ABLIM2: variants seen among roughly 807,000 people sequenced by gnomAD.
The protein encoded by ABLIM2 is actin binding LIM protein family member 2.
In ABLIM2, 53 loss-of-function variants were observed where a neutral mutation model predicts 97.7. That is an observed-to-expected ratio of 0.54 (90% CI 0.44 to 0.68). The LOEUF is 0.68. ABLIM2 is among the 30% of genes least tolerant of loss of function. ABLIM2 has a pLI of 0.00. For missense variants in ABLIM2, 835 were observed against 867.2 expected, an observed-to-expected ratio of 0.96 and a Z score of 0.47; for synonymous variants, 361 against 345.8, an observed-to-expected ratio of 1.04 and a Z score of -0.49.
Position 8,020,204 on chromosome 4 carries a change from G to A in ABLIM2, c.1367C>T (p.Pro456Leu), listed in dbSNP as rs1267665309. 2 of 1,612,910 alleles carry A rather than the reference G, an allele frequency of 1.2e-6. No individual in the cohort carries two copies. The highest frequency in any genetic ancestry group is 1.7e-6 in the Non-Finnish European group (2 of 1,179,424). ...YQQAPRHFHV[P>L]DTGVKDNIYR... ...AGCCAGCGTGTCCCGGAGCCTACCT[G>A]GGACGTGGAAGTGGCGAGGTGCCTG... The change falls in exon 13 of 21, where the codon CCA (proline) becomes CTA (leucine). Residue 456 changes from proline to leucine, a missense_variant and splice_region_variant. Physicochemically the swap from Pro to Leu is moderately conservative, Grantham distance 98. Coordinates refer to ENST00000447017, the MANE Select transcript of ABLIM2 (RefSeq NM_001130083.2).
chr4:8,036,043 T>C, intron 10 of ABLIM2, 106 bp downstream of exon 10: 1 of 1,363,814 alleles, frequency 7.3e-7, no homozygotes, highest in Non-Finnish European at 9.9e-7. Context: ...GTGGTGAAGA[T>C]GGAAGTGGCT....
intron 7 of ABLIM2, among the ~76,000 whole-genome samples, chr4:8,057,098 C>CTTTTTT (rs11333108): frequency 7.7e-6 from 1 of 130,142 alleles, no homozygotes; most frequent in Admixed American, 7.9e-5. Context: ...TTCTTTCTTT[C>CTTTTTT]TTTTTTTTTT....
chr4:8,069,850 G>A lies in ABLIM2; in HGVS notation c.675+7778C>T, dbSNP rs1261911356. Among the ~76,000 whole-genome samples the A allele has an allele frequency of 2.6e-5, 4 of 151,964 alleles. No individual in the cohort carries two copies. Among genetic ancestry groups the A allele is most frequent in the Middle Eastern group, 3.2e-3 (1 of 316 alleles). On this transcript the variant is annotated intron_variant, in intron 6 of 20. Transcript: ENST00000447017. This position sits in a 1 kb window ranked among gnomAD's most constrained non-coding sequence, Gnocchi z 4.2. ...GTACGTGTCTGTGGGTGCCGTGTGTGTTTTCTGTGTGTCTGCGTTGTCGAT... is the reference window on the plus strand; with the variant it reads ...GTACGTGTCTGTGGGTGCCGTGTGTATTTTCTGTGTGTCTGCGTTGTCGAT...
Position 8,106,503 on chromosome 4 carries a change from C to T in ABLIM2, c.145G>A (p.Val49Ile), listed in dbSNP as rs765539980. The T allele has an allele frequency of 4.1e-5, 65 of 1,596,370 alleles. No individual in the cohort carries two copies. Among genetic ancestry groups the T allele is most frequent in the Middle Eastern group, 1.6e-4 (1 of 6,070 alleles). ...QDKYFHIKCF[V>I]CKACGCDLAE... ...ACCGGGGGACACTCACCTTTACAGA[C>T]GAAGCACTTGATGTGGAAGTACTTG... The change falls in exon 2 of 21, where the codon GTC becomes ATC. Residue 49 changes from valine to isoleucine, a missense_variant. Transcript: ENST00000447017.
intron 1 of ABLIM2, among the ~76,000 whole-genome samples, chr4:8,108,498 G>A (rs11729779): frequency 0.49 from 75,007 of 152,110 alleles, 18,837 homozygotes; most frequent in East Asian, 0.67. Flanking sequence ...GCAGACTCGC[G>A]GGGAGGCGAC....
intron 1 of ABLIM2, among the ~76,000 whole-genome samples, chr4:8,126,923 C>G (rs1036407647): frequency 6.6e-6 from 1 of 151,944 alleles, no homozygotes; most frequent in African/African-American, 2.4e-5. Context: ...AAAAATTAGC[C>G]AGGTCTGGTG....
chr4:7,992,903 G>A lies in ABLIM2; in HGVS notation c.1643C>T (p.Pro548Leu), dbSNP rs763457214. The part of the protein sequence containing the change: ...HSRFPYSKSD[P>L]LPGHGKNGLD... ...GCCATTCTTTCCATGTCCTGGGAGA[G>A]GGTCAGATTTGGAATAGGGGAATCC... The change falls in exon 17 of 21, where the codon CCT becomes CTT. Residue 548 changes from proline to leucine, a missense_variant. Transcript: ENST00000447017. The surrounding 1 kb of genome is among the most constrained non-coding windows in gnomAD (Gnocchi z 5.7). 6.2e-6 allele frequency: 10 copies of A among 1,613,206 alleles called. No homozygotes were observed. Among genetic ancestry groups the A allele is most frequent in the Non-Finnish European group, 8.5e-6 (10 of 1,179,764 alleles).
chr4:8,137,622 C>A (rs764468980), intron 1 of ABLIM2, among the ~76,000 whole-genome samples: 2 of 152,246 alleles, frequency 1.3e-5, no homozygotes. Context: ...CGAGAGGCAG[C>A]CACGTCGCAG....
intron 6 of ABLIM2, among the ~76,000 whole-genome samples, chr4:8,070,725 C>T (rs1439918556): frequency 6.6e-6 from 1 of 152,076 alleles, no homozygotes; most frequent in South Asian, 2.1e-4. Flanking sequence ...CAGGGTGGAA[C>T]ACACAGTGAG....
intron 4 of ABLIM2, among the ~76,000 whole-genome samples, chr4:8,081,241 C>T (rs1819643668): frequency 6.6e-6 from 1 of 152,200 alleles, no homozygotes. Context: ...CCCGCCACAC[C>T]CAGCCAGCCA....
chr4:8,125,448 G>A lies in ABLIM2; in HGVS notation c.11-18811C>T, dbSNP rs934619323. On this transcript the variant is annotated intron_variant, in intron 1 of 20. Transcript: ENST00000447017. This position sits in a 1 kb window ranked among gnomAD's most constrained non-coding sequence, Gnocchi z 6.2. Reference sequence around the variant, plus strand: ...TACCCTTGCTTCGCATGTGAATCGCGATCTGCAGTGCTGATGGCCGCAGGT... The same window carrying A: ...TACCCTTGCTTCGCATGTGAATCGCAATCTGCAGTGCTGATGGCCGCAGGT... Among the ~76,000 whole-genome samples the A allele has an allele frequency of 1.3e-5, 2 of 152,244 alleles. No individual in the cohort carries two copies. The highest frequency in any genetic ancestry group is 4.1e-4 in the South Asian group (2 of 4,832).
intron 6 of ABLIM2, among the ~76,000 whole-genome samples, chr4:8,066,336 G>A (rs535285361): frequency 1.0e-4 from 11 of 110,316 alleles, no homozygotes; most frequent in Admixed American, 2.4e-4. Context: ...AAAGAAAGGA[G>A]GGAGGGAGAG....
At position 8,148,466 on chromosome 4, in the gene ABLIM2, C is replaced by T. The variant is rs755237896; in HGVS notation, c.10+10214G>A. Among the ~76,000 whole-genome samples, 2 of 152,136 alleles carry T rather than the reference C, an allele frequency of 1.3e-5. No homozygotes were observed. Among genetic ancestry groups the T allele is most frequent in the Non-Finnish European group, 2.9e-5 (2 of 68,012 alleles). Reference sequence around the variant, plus strand: ...TTAGGAGTGCGGGTTCTGCAGCTGGCACGGTGCTTCTCAGCCGAATCACCT... The same window carrying T: ...TTAGGAGTGCGGGTTCTGCAGCTGGTACGGTGCTTCTCAGCCGAATCACCT... On this transcript the variant is annotated intron_variant, in intron 1 of 20. Coordinates refer to ENST00000447017, the MANE Select transcript of ABLIM2 (RefSeq NM_001130083.2). This position sits in a 1 kb window ranked among gnomAD's most constrained non-coding sequence, Gnocchi z 6.7.
intron 3 of ABLIM2, among the ~76,000 whole-genome samples, chr4:8,092,508 AG>A (rs1367996934): frequency 6.6e-6 from 1 of 152,230 alleles, no homozygotes; most frequent in Non-Finnish European, 1.5e-5. Context: ...AGATTTACAG[AG>A]GGTTAGTCTT....
Position 8,061,233 on chromosome 4 carries a change from C to T in ABLIM2, c.676-179G>A, listed in dbSNP as rs1419900241. Among the ~76,000 whole-genome samples the T allele has an allele frequency of 2.0e-5, 3 of 152,124 alleles. No homozygotes were observed. The highest frequency in any genetic ancestry group is 2.1e-4 in the South Asian group (1 of 4,830). On this transcript the variant is annotated intron_variant, in intron 6 of 20. Transcript: ENST00000447017. The surrounding 1 kb of genome is among the most constrained non-coding windows in gnomAD (Gnocchi z 4.5). ...CAGAGCCCAGACCCGGGGGTGCCCC[C>T]GGGCTGTCCAAGGCGCCCTGTGGGG...
In ABLIM2 at chr4:8,083,603, A is replaced by C. The variant is rs1006872972; in HGVS notation, c.455-2801T>G. Among the ~76,000 whole-genome samples the C allele has an allele frequency of 3.9e-5, 6 of 152,246 alleles. No homozygotes were observed. The highest frequency in any genetic ancestry group is 1.4e-4 in the African/African-American group (6 of 41,472). On this transcript the variant is annotated intron_variant, in intron 4 of 20. Coordinates refer to ENST00000447017, the MANE Select transcript of ABLIM2 (RefSeq NM_001130083.2). This position sits in a 1 kb window ranked among gnomAD's most constrained non-coding sequence, Gnocchi z 4.6. Reference sequence around the variant, plus strand: ...ACACGTGGAGATGAGAGCAAGGTGCAAAAGGAGCGTTGCCATGGAAACCAC... The same window carrying C: ...ACACGTGGAGATGAGAGCAAGGTGCCAAAGGAGCGTTGCCATGGAAACCAC...
At chr4:8,038,110 T>C (rs1294747498) in intron 9 of ABLIM2, among the ~76,000 whole-genome samples, 2 of 152,204 alleles carry the variant, frequency 1.3e-5, no homozygotes, top group East Asian at 3.9e-4. Flanking sequence ...CATGATGAGC[T>C]GTCTACCCCG....
Position 8,019,692 on chromosome 4 carries a change from A to G in ABLIM2, c.1370-21T>C, listed in dbSNP as rs1244369709. The G allele has an allele frequency of 8.1e-6, 13 of 1,603,884 alleles. No individual in the cohort carries two copies. The highest frequency in any genetic ancestry group is 1.7e-5 in the Admixed American group (1 of 59,328). On this transcript the variant is annotated intron_variant, in intron 13 of 20. Coordinates refer to ENST00000447017, the MANE Select transcript of ABLIM2 (RefSeq NM_001130083.2). This position sits in a 1 kb window ranked among gnomAD's most constrained non-coding sequence, Gnocchi z 4.3. ...AGTGTCTGGGGAAGAAGAAAGAAAAAAAAGGAGAGAACAGGAGGGTAAGCA... is the reference window on the plus strand; with the variant it reads ...AGTGTCTGGGGAAGAAGAAAGAAAAGAAAGGAGAGAACAGGAGGGTAAGCA...
rs1200168440 is a variant in ABLIM2, at chr4:8,122,904, G to A, written c.11-16267C>T. Among the ~76,000 whole-genome samples, 1 of 152,180 alleles carries A rather than the reference G, an allele frequency of 6.6e-6. No homozygotes were observed. Among genetic ancestry groups the A allele is most frequent in the Non-Finnish European group, 1.5e-5 (1 of 68,034 alleles). ...ACCGCGTGGATGAGGGGATGGGAGAGGGAGAGGGGTGAGGGGCGAACCAGC... is the reference window on the plus strand; with the variant it reads ...ACCGCGTGGATGAGGGGATGGGAGAAGGAGAGGGGTGAGGGGCGAACCAGC... On this transcript the variant is annotated intron_variant, in intron 1 of 20. Transcript: ENST00000447017. This position sits in a 1 kb window ranked among gnomAD's most constrained non-coding sequence, Gnocchi z 4.1.
Sources: allele counts gnomAD v4.1 joint callset (sites outside exome capture counted in the v4.1 genomes callset), GRCh38; gene constraint gnomAD v4.1.1; non-coding constraint Gnocchi (gnomAD v3.1); transcripts MANE v1.5; gene names NCBI Gene and HGNC (gene_info 2026-07-23, HGNC 2026-07-21).